The following PDE8A variants were observed in gnomAD, a reference collection of about 807,000 sequenced individuals.
PDE8A encodes the protein high affinity cAMP-specific and IBMX-insensitive 3',5'-cyclic phosphodiesterase 8A.
In PDE8A, 59 loss-of-function variants were observed where a neutral mutation model predicts 105.0. The observed-to-expected ratio is 0.56, with a 90% CI of 0.46 to 0.70. PDE8A has a LOEUF of 0.70. PDE8A is among the 30% of genes least tolerant of loss of function. PDE8A has a pLI of 0.00. For missense variants in PDE8A, 1,014 were observed against 1,045.9 expected (o/e 0.97, Z 0.42); for synonymous variants, 355 against 371.9 (o/e 0.95, Z 0.52).
At chr15:85,101,391 G>GAAAGCATT (rs2081859675) in intron 11 of PDE8A, among the ~76,000 whole-genome samples, 1 of 152,178 alleles carries the variant, frequency 6.6e-6, no homozygotes, top group South Asian at 2.1e-4. Flanking sequence ...ATGTGAGCGG[G>GAAAGCATT]AAAGCATTCC....
At chr15:85,117,905 C>G in intron 17 of PDE8A, 66 bp downstream of exon 17, 1 of 1,262,812 alleles carries the variant, frequency 7.9e-7, no homozygotes, top group Non-Finnish European at 1.2e-6. Flanking sequence ...GTGCTTCTGC[C>G]TCCACTAAGA....
chr15:85,095,882 TA>T lies in PDE8A; in HGVS notation c.853-2065del, dbSNP rs946511257. Among the ~76,000 whole-genome samples the T allele has an allele frequency of 6.3e-3, 825 of 131,144 alleles. 7 individuals are homozygous for T. Among genetic ancestry groups the T allele is most frequent in the African/African-American group, 0.031 (793 of 25,920 alleles). 86.0% of individuals were successfully genotyped at this position (131,144 alleles called of 152,430 possible). On this transcript the variant is annotated intron_variant, in intron 8 of 21. Coordinates refer to ENST00000394553, the MANE Select transcript of PDE8A (RefSeq NM_002605.3). ...TGAATATATATATATATATTTTTTT[TA>T]TATATATATTTTTTGTTTTTGTTTT...
chr15:85,059,196 T>G (rs956760762), intron 1 of PDE8A, among the ~76,000 whole-genome samples: 1 of 152,272 alleles, frequency 6.6e-6, no homozygotes, highest in Non-Finnish European at 1.5e-5. Context: ...CCAGTTTTAC[T>G]TTTGTTATTG....
At chr15:85,063,369 G>A (rs1056554054) in intron 1 of PDE8A, 10 of 152,280 alleles carry the variant, frequency 6.6e-5, no homozygotes, top group African/African-American at 2.2e-4. Flanking sequence ...TCACACAGAG[G>A]CCCAGATTGG....
chr15:85,111,036 A>C (rs1451680517), intron 12 of PDE8A, among the ~76,000 whole-genome samples: 2 of 152,140 alleles, frequency 1.3e-5, no homozygotes, highest in Non-Finnish European at 2.9e-5. Context: ...TCCTCTTCTG[A>C]AGTGTCATTC....
At chr15:85,036,594 T>G (rs931937530) in intron 1 of PDE8A, among the ~76,000 whole-genome samples, 2 of 152,136 alleles carry the variant, frequency 1.3e-5, no homozygotes, top group African/African-American at 4.8e-5. Context: ...CCTGGGGTCA[T>G]TCTTAAGGAG....
intron 1 of PDE8A, among the ~76,000 whole-genome samples, chr15:85,047,784 A>C (rs1449723118): frequency 6.6e-6 from 1 of 152,170 alleles, no homozygotes; most frequent in African/African-American, 2.4e-5. Flanking sequence ...CCTAGGAGGG[A>C]TGAGCCTTTT....
At position 85,100,082 on chromosome 15, in the gene PDE8A, C is replaced by T. The variant is rs760806009; in HGVS notation, c.993+16C>T. On this transcript the variant is annotated intron_variant, in intron 10 of 21. Transcript: ENST00000394553. ...CAACAATAAGGTACGTAAGGAGAGC[C>T]CCCCGGGGCCCCAGGAACACCCCAG... 1.2e-6 allele frequency: 2 copies of T among 1,613,334 alleles called. No individual in the cohort carries two copies. The highest frequency in any genetic ancestry group is 1.7e-6 in the Non-Finnish European group (2 of 1,179,428).
intron 1 of PDE8A, among the ~76,000 whole-genome samples, chr15:85,031,399 A>G (rs181131682): frequency 4.6e-5 from 7 of 152,216 alleles, no homozygotes; most frequent in Admixed American, 3.3e-4. Flanking sequence ...AAACCCTGCC[A>G]TTGCTCTCCT....
chr15:85,027,135 C>A (rs2080530767), intron 1 of PDE8A, among the ~76,000 whole-genome samples: 1 of 152,142 alleles, frequency 6.6e-6, no homozygotes, highest in Non-Finnish European at 1.5e-5. Flanking sequence ...CTTTGCCCTC[C>A]AGGACTCCCT....
intron 1 of PDE8A, among the ~76,000 whole-genome samples, chr15:85,029,466 A>G (rs1238958324): frequency 6.6e-6 from 1 of 150,674 alleles, no homozygotes; most frequent in Non-Finnish European, 1.5e-5. Flanking sequence ...TCAGTCACAA[A>G]TTTGCAGAGA....
intron 1 of PDE8A, among the ~76,000 whole-genome samples, chr15:85,059,659 C>G (rs2081114490): frequency 6.6e-6 from 1 of 152,110 alleles, no homozygotes; most frequent in South Asian, 2.1e-4. Context: ...TTTTTGATTA[C>G]TATTAGAGTA....
intron 1 of PDE8A, among the ~76,000 whole-genome samples, chr15:85,051,002 C>G (rs2080964211): frequency 1.3e-5 from 2 of 152,134 alleles, no homozygotes; most frequent in Non-Finnish European, 2.9e-5. Context: ...TTTGTAGTTT[C>G]ACTTGTACAA....
rs570746517 is a variant in PDE8A, at chr15:85,135,890, A to C, written c.2254-644A>C. Among the ~76,000 whole-genome samples, 6 of 152,218 alleles carry C rather than the reference A, an allele frequency of 3.9e-5. No homozygotes were observed. The South Asian group carries it at 1.0e-3, about 26-fold the overall frequency. On this transcript the variant is annotated intron_variant, in intron 20 of 21. Transcript: ENST00000394553. ...TTTTTTTTAAACATCCAGGATCTCA[A>C]GGGTGTTCAGAACCTTTTCAAAAAA...
At chr15:85,058,814 G>A (rs548162778) in intron 1 of PDE8A, among the ~76,000 whole-genome samples, 4 of 151,928 alleles carry the variant, frequency 2.6e-5, no homozygotes, top group Admixed American at 6.6e-5. Context: ...CTTGCTAAAG[G>A]TTTGTCAATT....
chr15:85,123,301 G>A (rs2082209731), intron 19 of PDE8A, 108 bp downstream of exon 19: 1 of 934,678 alleles, frequency 1.1e-6, no homozygotes, highest in Non-Finnish European at 1.7e-6. Context: ...CCCTCAGTGA[G>A]TCTATTAGAC....
At chr15:85,096,234 C>CT (rs1223239096) in intron 8 of PDE8A, among the ~76,000 whole-genome samples, 1 of 152,002 alleles carries the variant, frequency 6.6e-6, no homozygotes, top group Non-Finnish European at 1.5e-5. Flanking sequence ...TTTTCTCTCT[C>CT]TTTTTTTAAT....
At chr15:85,000,010 C>T (rs186534654) in intron 1 of PDE8A, among the ~76,000 whole-genome samples, 5 of 152,200 alleles carry the variant, frequency 3.3e-5, no homozygotes, top group South Asian at 2.1e-4. Flanking sequence ...TTAAAAAGAG[C>T]GGGGGAATTG....
intron 11 of PDE8A, 61 bp downstream of exon 11, chr15:85,100,259 C>G (rs1567285217): frequency 7.0e-7 from 1 of 1,435,270 alleles, no homozygotes; most frequent in Admixed American, 1.8e-5. Flanking sequence ...AAAATAAAAA[C>G]AGATCTTTAA....
Sources: allele counts gnomAD v4.1 joint callset (sites outside exome capture counted in the v4.1 genomes callset), GRCh38; gene constraint gnomAD v4.1.1; transcripts MANE v1.5; gene names NCBI Gene and HGNC (gene_info 2026-07-23, HGNC 2026-07-21).